The following CSMD1 variants were observed in gnomAD, a reference collection of about 807,000 sequenced individuals.
The protein encoded by CSMD1 is CUB and Sushi multiple domains 1.
Under a neutral mutation model 417.5 loss-of-function variants are expected in CSMD1, and 213 were observed. That is an observed-to-expected ratio of 0.51 (90% CI 0.46 to 0.57). The LOEUF is 0.57. Among genes scored for constraint, CSMD1 ranks in the 20% least tolerant of loss-of-function variants. CSMD1 has a pLI of 0.00. For synonymous variants in CSMD1, 2,862 were observed against 1,736.8 expected (o/e 1.65, Z -16.11); for missense variants, 6,923 against 4,529.7 (o/e 1.53, Z -15.17).
At chr8:3,712,613 T>G (rs1381051858) in intron 6 of CSMD1, among the ~76,000 whole-genome samples, 3 of 152,222 alleles carry the variant, frequency 2.0e-5, no homozygotes, top group African/African-American at 7.2e-5. Context: ...AACATAGCTT[T>G]TGTGTCTAAT....
At chr8:3,523,339 A>C (rs1432066582) in intron 10 of CSMD1, among the ~76,000 whole-genome samples, 1 of 152,248 alleles carries the variant, frequency 6.6e-6, no homozygotes, top group Non-Finnish European at 1.5e-5. Flanking sequence ...CTATTGTGGC[A>C]ACACAGTGTC....
chr8:3,435,187 A>G (rs532738577), intron 12 of CSMD1, among the ~76,000 whole-genome samples: 1 of 152,316 alleles, frequency 6.6e-6, no homozygotes, highest in South Asian at 2.1e-4. Flanking sequence ...AGGGCAAAAA[A>G]GCCCCTTGAT....
intron 65 of CSMD1, 113 bp downstream of exon 65, chr8:2,954,111 G>T: frequency 2.1e-6 from 1 of 485,918 alleles, no homozygotes; most frequent in Non-Finnish European, 3.6e-6. Context: ...ACATTAACTT[G>T]GTCGTGGACT....
At chr8:3,328,227 A>G (rs1806662068) in intron 23 of CSMD1, among the ~76,000 whole-genome samples, 2 of 152,180 alleles carry the variant, frequency 1.3e-5, no homozygotes, top group Admixed American at 6.5e-5. Flanking sequence ...CTAATCTGAC[A>G]GTCTGCCTGT....
intron 11 of CSMD1, 48 bp from the exon 12 acceptor site, chr8:3,468,872 A>C (rs1296982127): frequency 1.6e-6 from 2 of 1,242,008 alleles, no homozygotes; most frequent in South Asian, 2.6e-5. Context: ...CAACAAGTAC[A>C]TCGACTTCCA....
At chr8:3,262,230 T>TATAAAC (rs770901446) in intron 26 of CSMD1, among the ~76,000 whole-genome samples, 2 of 95,690 alleles carry the variant, frequency 2.1e-5, no homozygotes, top group South Asian at 3.6e-4. Flanking sequence ...TATATATATA[T>TATAAAC]ACACACACAT....
chr8:3,300,038 C>A (rs1358670057), intron 25 of CSMD1, among the ~76,000 whole-genome samples: 2 of 152,022 alleles, frequency 1.3e-5, no homozygotes, highest in African/African-American at 2.4e-5. Flanking sequence ...TTACTTACAA[C>A]AGTGAAAAAA....
chr8:4,447,125 C>A (rs1154068), intron 2 of CSMD1, among the ~76,000 whole-genome samples: 69,540 of 151,872 alleles, frequency 0.46, 17,084 homozygotes, highest in African/African-American at 0.65. Context: ...TGTACATTTG[C>A]AAATAGAATG....
chr8:4,429,039 G>C (rs755679727), intron 2 of CSMD1, among the ~76,000 whole-genome samples: 5 of 151,794 alleles, frequency 3.3e-5, no homozygotes, highest in South Asian at 2.1e-4. Flanking sequence ...TTTTTAATAA[G>C]AGTTTTACAT....
At chr8:3,668,437 G>C (rs1049509324) in intron 7 of CSMD1, among the ~76,000 whole-genome samples, 1 of 152,190 alleles carries the variant, frequency 6.6e-6, no homozygotes, top group Non-Finnish European at 1.5e-5. Context: ...AAGCTGAAGA[G>C]ATGAGGGTTT....
intron 12 of CSMD1, among the ~76,000 whole-genome samples, chr8:3,455,766 A>T (rs1042656129): frequency 6.6e-5 from 10 of 152,230 alleles, no homozygotes; most frequent in Admixed American, 5.9e-4. Flanking sequence ...TCAGGGACCC[A>T]CTTGAGGAGG....
intron 1 of CSMD1, chr8:4,787,352 G>T: frequency 1.4e-6 from 1 of 733,508 alleles, no homozygotes; most frequent in Non-Finnish European, 2.5e-6. Flanking sequence ...CTGAGGTACT[G>T]AACACTGGTA....
chr8:4,895,153 G>C (rs1369764017), intron 1 of CSMD1, among the ~76,000 whole-genome samples: 1 of 152,086 alleles, frequency 6.6e-6, no homozygotes, highest in Non-Finnish European at 1.5e-5. Flanking sequence ...ATTCGCTTCT[G>C]TACAAAAAAT....
chr8:3,947,252 A>G (rs1289890922), intron 5 of CSMD1, among the ~76,000 whole-genome samples: 2 of 152,184 alleles, frequency 1.3e-5, no homozygotes, highest in East Asian at 3.8e-4. Flanking sequence ...CTGAATTTTT[A>G]TCTAATGTTC....
At chr8:4,277,053 A>G (rs987507180) in intron 3 of CSMD1, among the ~76,000 whole-genome samples, 3 of 152,188 alleles carry the variant, frequency 2.0e-5, no homozygotes, top group Admixed American at 6.6e-5. Context: ...CCATCAGACT[A>G]TCCATTTTAC....
intron 5 of CSMD1, among the ~76,000 whole-genome samples, chr8:3,848,212 G>C (rs1342662803): frequency 6.6e-6 from 1 of 152,136 alleles, no homozygotes; most frequent in Non-Finnish European, 1.5e-5. Context: ...ATCAGAAGTT[G>C]TCAGGACATT....
At chr8:4,992,657 T>C (rs1418364038) in intron 1 of CSMD1, among the ~76,000 whole-genome samples, 1 of 152,178 alleles carries the variant, frequency 6.6e-6, no homozygotes, top group Non-Finnish European at 1.5e-5. Flanking sequence ...TTTAGCTGCC[T>C]CGCCTTCCAA....
Position 3,387,697 on chromosome 8 carries a change from C to A in CSMD1, c.2594-15G>T, listed in dbSNP as rs765656476. ...AAGCGTCACACCTGGATGCACAGAA[C>A]GAATGCAGTCGATGAGGATCTTTCT... On this transcript the variant is annotated splice_polypyrimidine_tract_variant and intron_variant, in intron 17 of 69. Transcript: ENST00000635120. 1.9e-6 allele frequency: 3 copies of A among 1,575,260 alleles called. No individual in the cohort carries two copies. Among genetic ancestry groups the A allele is most frequent in the Non-Finnish European group, 2.6e-6 (3 of 1,159,086 alleles).
At chr8:4,010,993 T>G (rs11779813) in intron 4 of CSMD1, among the ~76,000 whole-genome samples, 14,312 of 152,240 alleles carry the variant, frequency 0.094, 734 homozygotes, top group Middle Eastern at 0.15. Flanking sequence ...ACTGCTCCCT[T>G]TCTGGGGGAT....
Sources: allele counts gnomAD v4.1 joint callset (sites outside exome capture counted in the v4.1 genomes callset), GRCh38; gene constraint gnomAD v4.1.1; transcripts MANE v1.5; gene names NCBI Gene and HGNC (gene_info 2026-07-23, HGNC 2026-07-21).